Variants in KIAA1549 observed in about 807,000 individuals in gnomAD.
KIAA1549 encodes UPF0606 protein KIAA1549.
In KIAA1549, 70 loss-of-function variants were observed where a neutral mutation model predicts 156.4. The observed-to-expected ratio is 0.45, with a 90% CI of 0.37 to 0.55. The LOEUF is 0.55. Among genes scored for constraint, KIAA1549 ranks in the 20% least tolerant of loss-of-function variants. KIAA1549 has a pLI of 0.00. For missense variants in KIAA1549, 2,428 were observed against 2,540.9 expected (o/e 0.96, Z 0.96); for synonymous variants, 1,103 against 1,066.4 (o/e 1.03, Z -0.67).
At chr7:138,907,167 TTC>T in intron 5 of KIAA1549, 65 bp from the exon 6 acceptor site, 2 of 1,314,890 alleles carry the variant, frequency 1.5e-6, no homozygotes, top group Non-Finnish European at 1.0e-6. Context: ...TAACCATGAT[TTC>T]TCTCTCACAG....
At chr7:138,856,883 A>T (rs968335067) in intron 16 of KIAA1549, among the ~76,000 whole-genome samples, 16 of 152,182 alleles carry the variant, frequency 1.1e-4, no homozygotes, top group Middle Eastern at 3.2e-3. Context: ...GAATTGGTGG[A>T]CAGTAAGGCA....
chr7:138,964,841 T>C (rs1401858119), intron 1 of KIAA1549, among the ~76,000 whole-genome samples: 1 of 152,230 alleles, frequency 6.6e-6, no homozygotes, highest in Non-Finnish European at 1.5e-5. Flanking sequence ...AAATTTAATA[T>C]GTGCATACTG....
intron 1 of KIAA1549, among the ~76,000 whole-genome samples, chr7:138,942,511 C>G (rs1813213279): frequency 6.6e-6 from 1 of 151,642 alleles, no homozygotes; most frequent in African/African-American, 2.4e-5. Context: ...GTGGCTGAGG[C>G]CCACAGGGAG....
At chr7:138,859,826 C>CT (rs1810502065) in intron 16 of KIAA1549, among the ~76,000 whole-genome samples, 1 of 152,258 alleles carries the variant, frequency 6.6e-6, no homozygotes, top group African/African-American at 2.4e-5. Flanking sequence ...GTTCCTCCAT[C>CT]TGAAGCCTGT....
chr7:138,918,718 G>A lies in KIAA1549; in HGVS notation c.908C>T (p.Ser303Phe). Residue 303 changes from serine to phenylalanine, a missense_variant, in exon 2 of 20, where the codon TCC becomes TTC. Ser to Phe is a radical substitution (Grantham distance 155). Coordinates refer to ENST00000422774, the MANE Select transcript of KIAA1549 (RefSeq NM_001164665.2). This position sits in a 1 kb window ranked among gnomAD's most constrained non-coding sequence, Gnocchi z 4.2. Reference protein sequence around the residue: ...LGDGITIPLPSLGEVSQPPEE... With the variant: ...LGDGITIPLPFLGEVSQPPEE... ...TGGAGGCTGTGAGACCTCCCCCAAG[G>A]AGGGCAACGGTATAGTAATGCCGTC... The A allele has an allele frequency of 1.9e-6, 3 of 1,613,882 alleles. No homozygotes were observed. Among genetic ancestry groups the A allele is most frequent in the Non-Finnish European group, 2.5e-6 (3 of 1,179,888 alleles).
chr7:138,951,580 T>C (rs527581320), intron 1 of KIAA1549, among the ~76,000 whole-genome samples: 1 of 152,334 alleles, frequency 6.6e-6, no homozygotes, highest in East Asian at 1.9e-4. Flanking sequence ...GCTTAAGCTA[T>C]AAACCCACTT....
chr7:138,939,498 T>C (rs1584771463), intron 1 of KIAA1549, among the ~76,000 whole-genome samples: 1 of 152,340 alleles, frequency 6.6e-6, no homozygotes, highest in East Asian at 1.9e-4. Context: ...CCACATTCTA[T>C]ATTTGGCTGA....
Position 138,844,400 on chromosome 7 carries a change from G to A in KIAA1549, c.5369C>T (p.Ala1790Val). The change falls in exon 18 of 20, where the codon GCC becomes GTC. Residue 1790 changes from alanine to valine, a missense_variant. Transcript: ENST00000422774. ...PPDPQQPQASAEAPFAARGIY... is the reference protein window; with the variant it reads ...PPDPQQPQASVEAPFAARGIY... The stretch of plus-strand genomic sequence containing the variant: ...CCCTCTGGCAGCAAATGGGGCTTCG[G>A]CGGAGGCCTGTGGCTGCTGAGGGTC... The A allele has an allele frequency of 6.2e-7, 1 of 1,607,154 alleles. No homozygotes were observed. The highest frequency in any genetic ancestry group is 8.5e-7 in the Non-Finnish European group (1 of 1,176,344).
chr7:138,968,407 T>A (rs1381699736), intron 1 of KIAA1549, among the ~76,000 whole-genome samples: 1 of 152,204 alleles, frequency 6.6e-6, no homozygotes. Flanking sequence ...CATCTTGTAT[T>A]AATATTAAAC....
intron 1 of KIAA1549, among the ~76,000 whole-genome samples, chr7:138,980,122 G>A (rs1814501714): frequency 6.6e-6 from 1 of 152,140 alleles, no homozygotes; most frequent in Non-Finnish European, 1.5e-5. Context: ...CAGCGTTCAC[G>A]GCTTTCTGGT....
At chr7:138,845,391 G>A (rs1447699704) in intron 17 of KIAA1549, among the ~76,000 whole-genome samples, 1 of 152,120 alleles carries the variant, frequency 6.6e-6, no homozygotes, top group Admixed American at 6.5e-5. Context: ...GAAAAGGAAG[G>A]AGTATTTTAA....
In KIAA1549 at chr7:138,870,727, C is replaced by G. The variant is rs533675342; in HGVS notation, c.4551+430G>C. On this transcript the variant is annotated intron_variant, in intron 13 of 19. Coordinates refer to ENST00000422774, the MANE Select transcript of KIAA1549 (RefSeq NM_001164665.2). ...AGCGTGATGTTTTACATTAAGAATC[C>G]TTGTCAGCAGCTTATGCCTTCAGTA... Among the ~76,000 whole-genome samples, 19 of 152,340 alleles carry G rather than the reference C, an allele frequency of 1.2e-4. No homozygotes were observed. In the South Asian group the frequency reaches 3.9e-3, roughly 32 times the overall value.
In KIAA1549 at chr7:138,871,188, C is replaced by G. The variant is rs776540504; in HGVS notation, c.4520G>C (p.Arg1507Pro). 1.2e-6 allele frequency: 2 copies of G among 1,613,098 alleles called. No individual in the cohort carries two copies. Among genetic ancestry groups the G allele is most frequent in the South Asian group, 1.1e-5 (1 of 91,076 alleles). ...GTTGATTTTATTGCTTTCCGCCACT[C>G]GGTCGGCTGGGGAGGGGCGCTGGAC... ...PPVQRPSPAD[R>P]VAESNKINKE... The change falls in exon 13 of 20, where the codon CGA (arginine) becomes CCA (proline). Residue 1507 changes from arginine to proline, a missense_variant. Around this residue, in one of 5 missense-constraint regions of KIAA1549, gnomAD observed 404 missense variants for 417.0 expected, o/e 0.97. Transcript: ENST00000422774.
chr7:138,963,796 G>T (rs1813928096), intron 1 of KIAA1549, among the ~76,000 whole-genome samples: 1 of 152,200 alleles, frequency 6.6e-6, no homozygotes, highest in Non-Finnish European at 1.5e-5. Context: ...CGGAGGAGAT[G>T]TATGACAACC....
rs1563044211 is a variant in KIAA1549 at position 138,840,238 on chromosome 7, G to A, written c.5493C>T (p.Ser1831=). Residue 1831 remains serine (S), a synonymous_variant, in exon 19 of 20, where the codon AGC becomes AGT. Coordinates refer to ENST00000422774, the MANE Select transcript of KIAA1549 (RefSeq NM_001164665.2). ...IQHLTQVGIA[S]RIGAQPVEIP... The stretch of plus-strand genomic sequence containing the variant: ...TTTCCACTGGCTGAGCTCCAATTCT[G>A]CTGGCAATCCCCACCTGTGTCAGGT... 1.3e-6 allele frequency: 2 copies of A among 1,591,390 alleles called. No individual in the cohort carries two copies. Among genetic ancestry groups the A allele is most frequent in the Non-Finnish European group, 8.6e-7 (1 of 1,169,092 alleles).
chr7:138,964,180 G>GGACAGGGAGCTGGCCAGGGGC (rs1172456911), intron 1 of KIAA1549, among the ~76,000 whole-genome samples: 8 of 152,194 alleles, frequency 5.3e-5, no homozygotes, highest in Non-Finnish European at 1.2e-4. Context: ...CTTCTAACAG[G>GGACAGGGAGCTGGCCAGGGGC]GACAGGGAGC....
At chr7:138,873,932 T>G (rs552918756) in intron 12 of KIAA1549, among the ~76,000 whole-genome samples, 6 of 149,170 alleles carry the variant, frequency 4.0e-5, no homozygotes, top group Non-Finnish European at 8.9e-5. Context: ...CATATACATA[T>G]AATATATATC....
chr7:138,848,933 A>G (rs1314960346), intron 17 of KIAA1549, among the ~76,000 whole-genome samples: 1 of 152,146 alleles, frequency 6.6e-6, no homozygotes, highest in Non-Finnish European at 1.5e-5. Flanking sequence ...GGGTCTCACT[A>G]TGTTGCCTGG....
At chr7:138,884,460 G>T (rs933715263) in intron 10 of KIAA1549, among the ~76,000 whole-genome samples, 1 of 152,180 alleles carries the variant, frequency 6.6e-6, no homozygotes, top group African/African-American at 2.4e-5. Context: ...GTAGAGTTTA[G>T]GCAAAACTGA....
Sources: gnomAD v4.1 joint callset for allele counts (sites outside exome capture counted in the v4.1 genomes callset) on GRCh38, gnomAD v4.1.1 for gene constraint, gnomAD v4.1.1 regional missense constraint, Gnocchi (gnomAD v3.1) non-coding constraint, MANE v1.5 for transcripts, NCBI Gene and HGNC (gene_info 2026-07-23, HGNC 2026-07-21) for gene names.